The following PDE4D variants were observed in gnomAD, a reference collection of about 807,000 sequenced individuals.
PDE4D encodes the protein 3',5'-cyclic-AMP phosphodiesterase 4D.
In PDE4D, 24 loss-of-function variants were observed where a neutral mutation model predicts 87.4. The ratio of observed to expected loss-of-function variants is 0.27; its 90% CI spans 0.20 to 0.39. The LOEUF (loss-of-function observed/expected upper bound fraction) is 0.39, where lower values mean the gene tolerates loss of function less well. Among genes scored for constraint, PDE4D ranks in the 10% least tolerant of loss-of-function variants. PDE4D has a pLI of 1.00. For synonymous variants in PDE4D, 384 were observed against 383.2 expected (o/e 1.00, Z -0.02); for missense variants, 714 against 1,041.0 (o/e 0.69, Z 4.32).
At chr5:59,566,585 AGAGAAT>A (rs1820963043) in intron 1 of PDE4D, among the ~76,000 whole-genome samples, 1 of 111,896 alleles carries the variant, frequency 8.9e-6, no homozygotes, top group Non-Finnish European at 2.1e-5. Context: ...TGTGTGTGTG[AGAGAAT>A]GAGAGAGAGA....
At chr5:59,533,661 G>C (rs993072343) in intron 1 of PDE4D, among the ~76,000 whole-genome samples, 3 of 152,244 alleles carry the variant, frequency 2.0e-5, no homozygotes, top group Non-Finnish European at 4.4e-5. Context: ...TCAAAGTGTG[G>C]TCTCCAGACT....
chr5:59,686,174 T>C (rs1449520150), intron 1 of PDE4D, among the ~76,000 whole-genome samples: 2 of 152,086 alleles, frequency 1.3e-5, no homozygotes, highest in Non-Finnish European at 2.9e-5. Flanking sequence ...AAAAAGATTA[T>C]AACAATCAAC....
intron 2 of PDE4D, among the ~76,000 whole-genome samples, chr5:60,037,732 T>C (rs907290837): frequency 2.6e-5 from 4 of 152,204 alleles, no homozygotes; most frequent in African/African-American, 9.6e-5. Context: ...CTAACCTATT[T>C]ATGTGCAATA....
intron 5 of PDE4D, among the ~76,000 whole-genome samples, chr5:59,153,720 A>G (rs1349895561): frequency 6.6e-6 from 1 of 151,774 alleles, no homozygotes; most frequent in African/African-American, 2.4e-5. Context: ...ATGTGTGGTT[A>G]TAACAAAAGA....
chr5:60,167,266 CTTTTTTTTTTT>C (rs142613050), intron 2 of PDE4D, among the ~76,000 whole-genome samples: 1 of 86,474 alleles, frequency 1.2e-5, no homozygotes, highest in Non-Finnish European at 2.2e-5. Context: ...TGTGTATTTT[CTTTTTTTTTTT>C]TTTTTTTTTT....
At chr5:60,498,136 C>T (rs1034839585) in intron 1 of PDE4D, among the ~76,000 whole-genome samples, 7 of 151,462 alleles carry the variant, frequency 4.6e-5, no homozygotes, top group Non-Finnish European at 1.5e-5. Context: ...GAGGAACATC[C>T]CCAGAACCAG....
intron 1 of PDE4D, among the ~76,000 whole-genome samples, chr5:59,541,883 T>G (rs1350097190): frequency 6.6e-6 from 1 of 152,178 alleles, no homozygotes; most frequent in African/African-American, 2.4e-5. Context: ...GATCTGGATC[T>G]AGGGGTGACT....
intron 1 of PDE4D, among the ~76,000 whole-genome samples, chr5:60,203,918 T>A (rs1466654036): frequency 3.3e-5 from 5 of 152,186 alleles, no homozygotes; most frequent in African/African-American, 1.2e-4. Context: ...ACACAAAAAA[T>A]CTTGAAAGCA....
At chr5:59,446,229 G>C (rs1798320932) in intron 1 of PDE4D, among the ~76,000 whole-genome samples, 1 of 151,824 alleles carries the variant, frequency 6.6e-6, no homozygotes, top group South Asian at 2.1e-4. Flanking sequence ...TTCATTATAA[G>C]TACTTAAGTA....
chr5:59,327,972 T>C (rs1776019308), intron 1 of PDE4D, among the ~76,000 whole-genome samples: 1 of 152,176 alleles, frequency 6.6e-6, no homozygotes, highest in African/African-American at 2.4e-5. Context: ...AAGATACAAA[T>C]GTTCTATAAG....
At chr5:59,171,128 C>T (rs1184094408) in intron 5 of PDE4D, among the ~76,000 whole-genome samples, 11 of 152,148 alleles carry the variant, frequency 7.2e-5, no homozygotes, top group African/African-American at 1.9e-4. Context: ...GTGATCCACC[C>T]GCCTCAGCCT....
intron 5 of PDE4D, among the ~76,000 whole-genome samples, chr5:59,093,875 TG>T (rs1271057892): frequency 6.6e-6 from 1 of 152,140 alleles, no homozygotes; most frequent in African/African-American, 2.4e-5. Flanking sequence ...GATAATAATC[TG>T]TGACCTTAGA....
At chr5:59,369,615 G>A (rs979179950) in intron 1 of PDE4D, among the ~76,000 whole-genome samples, 1 of 152,098 alleles carries the variant, frequency 6.6e-6, no homozygotes, top group African/African-American at 2.4e-5. Flanking sequence ...ACATGCCTCA[G>A]GACTGTCCCA....
intron 1 of PDE4D, among the ~76,000 whole-genome samples, chr5:60,317,519 C>T (rs1451142170): frequency 4.6e-5 from 7 of 152,018 alleles, no homozygotes; most frequent in Non-Finnish European, 1.0e-4. Flanking sequence ...TTATTTCTTG[C>T]CTTCTGCTAG....
intron 1 of PDE4D, among the ~76,000 whole-genome samples, chr5:60,205,265 C>A (rs1404567822): frequency 2.6e-5 from 4 of 152,176 alleles, no homozygotes; most frequent in Admixed American, 2.6e-4. Flanking sequence ...CATGGGGTGC[C>A]ACCTGTGAGA....
chr5:59,171,161 C>A (rs62357969), intron 5 of PDE4D, among the ~76,000 whole-genome samples: 1 of 152,110 alleles, frequency 6.6e-6, no homozygotes, highest in Non-Finnish European at 1.5e-5. Context: ...GGATTACAGG[C>A]GTGAGCCACC....
intron 3 of PDE4D, among the ~76,000 whole-genome samples, chr5:59,907,568 G>A (rs1752978212): frequency 2.0e-5 from 3 of 152,000 alleles, no homozygotes; most frequent in Admixed American, 6.6e-5. Context: ...TAACAAACCT[G>A]CACATGTACC....
intron 1 of PDE4D, among the ~76,000 whole-genome samples, chr5:59,678,327 T>C (rs992219063): frequency 6.6e-6 from 1 of 152,192 alleles, no homozygotes; most frequent in African/African-American, 2.4e-5. Flanking sequence ...ATCCTATTAC[T>C]CAGAGTTGGT....
intron 2 of PDE4D, among the ~76,000 whole-genome samples, chr5:60,182,644 C>T (rs1158609414): frequency 6.6e-6 from 1 of 151,928 alleles, no homozygotes; most frequent in Non-Finnish European, 1.5e-5. Context: ...TTTGGGAAGC[C>T]GAGGCGGGCG....
Sources: allele counts gnomAD v4.1 joint callset (sites outside exome capture counted in the v4.1 genomes callset), GRCh38; gene constraint gnomAD v4.1.1; transcripts MANE v1.5; gene names NCBI Gene and HGNC (gene_info 2026-07-23, HGNC 2026-07-21).